TMEM132B: variants seen among roughly 807,000 people sequenced by gnomAD.
TMEM132B encodes the protein transmembrane protein 132B.
In TMEM132B, 18 loss-of-function variants were observed where a neutral mutation model predicts 90.8. The ratio of observed to expected loss-of-function variants is 0.20; its 90% CI spans 0.14 to 0.29. The LOEUF (loss-of-function observed/expected upper bound fraction) is 0.29. TMEM132B is among the 10% of genes least tolerant of loss of function. The probability of loss-of-function intolerance (pLI) is 1.00; values close to 1 mark genes in which losing one functional copy is unlikely to be tolerated. For missense variants in TMEM132B, 1,096 were observed against 1,326.8 expected (o/e 0.83, Z 2.70); for synonymous variants, 504 against 523.3 (o/e 0.96, Z 0.50).
At chr12:125,620,685 C>T (rs1176629138) in intron 5 of TMEM132B, among the ~76,000 whole-genome samples, 5 of 152,154 alleles carry the variant, frequency 3.3e-5, no homozygotes, top group Non-Finnish European at 1.5e-5. Context: ...GTTCAGCATG[C>T]CTGGGAAGGC....
chr12:125,460,256 C>T lies in TMEM132B; in HGVS notation c.1106+44579C>T, dbSNP rs1398437995. ...CTGTAATCCCAGCACTTTGGGAGGC[C>T]GAGGTGGGTGGATCACCTGAGGTCA... On this transcript the variant is annotated intron_variant, in intron 3 of 8. Transcript: ENST00000682704. This position sits in a 1 kb window ranked among gnomAD's most constrained non-coding sequence, Gnocchi z 4.4. Among the ~76,000 whole-genome samples the T allele has an allele frequency of 4.6e-5, 7 of 152,168 alleles. No individual in the cohort carries two copies. The highest frequency in any genetic ancestry group is 3.9e-4 in the East Asian group (2 of 5,156).
intron 3 of TMEM132B, among the ~76,000 whole-genome samples, chr12:125,509,999 A>G (rs1045530289): frequency 2.0e-5 from 3 of 152,242 alleles, no homozygotes; most frequent in Non-Finnish European, 2.9e-5. Context: ...TTGGTAATAG[A>G]AAGAAACAGA....
At chr12:125,266,014 A>C (rs1269418670) in intron 1 of TMEM132B, among the ~76,000 whole-genome samples, 1 of 152,096 alleles carries the variant, frequency 6.6e-6, no homozygotes, top group Non-Finnish European at 1.5e-5. Context: ...GGATCACCTG[A>C]GGTCAGGAGT....
intron 3 of TMEM132B, among the ~76,000 whole-genome samples, chr12:125,505,650 A>C (rs1402318212): frequency 2.6e-5 from 4 of 151,894 alleles, no homozygotes; most frequent in African/African-American, 4.8e-5. Context: ...GTGAACTGAG[A>C]TCACACCACT....
intron 1 of TMEM132B, among the ~76,000 whole-genome samples, chr12:125,263,354 T>A (rs1481497654): frequency 6.6e-6 from 1 of 152,216 alleles, no homozygotes; most frequent in Admixed American, 6.5e-5. Context: ...GTGCAAGCTG[T>A]CTGACCTGGC....
At chr12:125,419,713 C>T (rs2103243) in intron 3 of TMEM132B, among the ~76,000 whole-genome samples, 39,335 of 152,100 alleles carry the variant, frequency 0.26, 6,775 homozygotes, top group African/African-American at 0.49. Flanking sequence ...TCTTAACTCA[C>T]TTCAGCATTA....
At chr12:125,278,234 G>A (rs573945937) in intron 1 of TMEM132B, among the ~76,000 whole-genome samples, 26 of 152,338 alleles carry the variant, frequency 1.7e-4, no homozygotes, top group East Asian at 5.8e-4. Flanking sequence ...CTTTCGCACC[G>A]TAACCCCAGG....
intron 3 of TMEM132B, among the ~76,000 whole-genome samples, chr12:125,501,796 G>C (rs1018436043): frequency 1.2e-4 from 18 of 152,202 alleles, no homozygotes; most frequent in Non-Finnish European, 2.6e-4. Flanking sequence ...AGTCTGGAAA[G>C]CATGACAGAT....
chr12:125,485,915 A>G (rs74324790), intron 3 of TMEM132B, among the ~76,000 whole-genome samples: 2,905 of 152,242 alleles, frequency 0.019, 74 homozygotes, highest in African/African-American at 0.055. Context: ...TTTTATTCCT[A>G]TTAGCTGTCA....
chr12:125,397,592 T>C (rs1593122447), intron 2 of TMEM132B, among the ~76,000 whole-genome samples: 1 of 152,120 alleles, frequency 6.6e-6, no homozygotes, highest in Admixed American at 6.5e-5. Context: ...TTGGTCATGG[T>C]GTGTATATAT....
chr12:125,584,057 G>A, intron 5 of TMEM132B, 63 bp downstream of exon 5: 8 of 1,609,294 alleles, frequency 5.0e-6, no homozygotes, highest in Non-Finnish European at 6.8e-6. Flanking sequence ...TCCTTCTTTT[G>A]TCTCCAAGGT....
chr12:125,333,659 AAG>A (rs1431579402), intron 1 of TMEM132B, among the ~76,000 whole-genome samples: 1 of 152,162 alleles, frequency 6.6e-6, no homozygotes, highest in Non-Finnish European at 1.5e-5. Context: ...GTGCTAGCTA[AAG>A]AGAGCAGCAG....
At chr12:125,193,971 A>T (rs989034756) in intron 1 of TMEM132B, among the ~76,000 whole-genome samples, 2 of 152,218 alleles carry the variant, frequency 1.3e-5, no homozygotes, top group African/African-American at 4.8e-5. Context: ...CATTCAGGGC[A>T]GAATGGACTC....
intron 4 of TMEM132B, among the ~76,000 whole-genome samples, chr12:125,549,776 T>C (rs1334857264): frequency 6.6e-6 from 1 of 152,236 alleles, no homozygotes; most frequent in Admixed American, 6.5e-5. Flanking sequence ...CTTTCAAGTA[T>C]GTTAGTTGTT....
intron 3 of TMEM132B, among the ~76,000 whole-genome samples, chr12:125,511,879 A>T (rs1252601969): frequency 6.6e-6 from 1 of 151,702 alleles, no homozygotes; most frequent in African/African-American, 2.4e-5. Flanking sequence ...GAAAAGAAAA[A>T]GCATCCCAAA....
intron 1 of TMEM132B, among the ~76,000 whole-genome samples, chr12:125,306,581 C>T (rs1018753231): frequency 3.3e-5 from 5 of 152,216 alleles, no homozygotes; most frequent in African/African-American, 4.8e-5. Flanking sequence ...CCCTCTAATT[C>T]CTTCCAAGCC....
intron 1 of TMEM132B, among the ~76,000 whole-genome samples, chr12:125,191,430 A>G (rs1452155004): frequency 6.6e-6 from 1 of 152,124 alleles, no homozygotes; most frequent in Non-Finnish European, 1.5e-5. Flanking sequence ...CTGAGGTCAC[A>G]CAGGATTAGG....
intron 1 of TMEM132B, among the ~76,000 whole-genome samples, chr12:125,297,229 C>T (rs1273440169): frequency 2.0e-5 from 3 of 152,178 alleles, no homozygotes; most frequent in Non-Finnish European, 4.4e-5. Context: ...AGCCTTTTTC[C>T]CCTTGGAAGG....
chr12:125,502,799 T>G (rs1176618318), intron 3 of TMEM132B, among the ~76,000 whole-genome samples: 1 of 152,158 alleles, frequency 6.6e-6, no homozygotes, highest in African/African-American at 2.4e-5. Flanking sequence ...TCATTGAATG[T>G]TTGAATGAAT....
Sources: gnomAD v4.1 joint callset for allele counts (sites outside exome capture counted in the v4.1 genomes callset) on GRCh38, gnomAD v4.1.1 for gene constraint, Gnocchi (gnomAD v3.1) non-coding constraint, MANE v1.5 for transcripts, NCBI Gene and HGNC (gene_info 2026-07-23, HGNC 2026-07-21) for gene names.